Variants in ABTB2 observed in about 807,000 individuals in gnomAD.
ABTB2 encodes ankyrin repeat and BTB/POZ domain-containing protein 2.
ABTB2 carries 56 observed loss-of-function variants against 104.1 expected under a neutral mutation model. The observed-to-expected ratio is 0.54, with a 90% CI of 0.43 to 0.67. The LOEUF is 0.67. ABTB2 is among the 30% of genes least tolerant of loss of function. The pLI, the probability that ABTB2 is intolerant of heterozygous loss-of-function variation, is 0.00. For missense variants in ABTB2, 1,279 were observed against 1,407.7 expected (o/e 0.91, Z 1.46); for synonymous variants, 606 against 608.2 (o/e 1.00, Z 0.05).
intron 10 of ABTB2, 101 bp downstream of exon 10, chr11:34,162,475 C>T (rs1176245741): frequency 3.1e-6 from 4 of 1,294,428 alleles, no homozygotes; most frequent in Non-Finnish European, 4.3e-6. Context: ...TCTGTCCCTG[C>T]AGGCCCTGGC....
chr11:34,194,692 G>A (rs538372565), intron 3 of ABTB2, among the ~76,000 whole-genome samples: 3 of 152,096 alleles, frequency 2.0e-5, no homozygotes, highest in African/African-American at 7.3e-5. Context: ...ACAGGAGCCA[G>A]GCCACCAGGG....
At chr11:34,221,587 G>T (rs1189106056) in intron 1 of ABTB2, among the ~76,000 whole-genome samples, 1 of 152,206 alleles carries the variant, frequency 6.6e-6, no homozygotes. Context: ...AGTGGCTCTA[G>T]CCAAGTCCCC....
At chr11:34,209,381 A>G (rs1853448322) in intron 1 of ABTB2, among the ~76,000 whole-genome samples, 3 of 149,708 alleles carry the variant, frequency 2.0e-5, no homozygotes, top group African/African-American at 4.9e-5. Flanking sequence ...AAGAGAATAG[A>G]TAACGTCCTT....
intron 1 of ABTB2, among the ~76,000 whole-genome samples, chr11:34,330,459 T>TAGAA (rs1363174710): frequency 6.6e-6 from 1 of 152,180 alleles, no homozygotes; most frequent in African/African-American, 2.4e-5. Context: ...GTCTGATATA[T>TAGAA]AGAAAGACAC....
intron 1 of ABTB2, among the ~76,000 whole-genome samples, chr11:34,247,819 A>C (rs1220335061): frequency 6.6e-6 from 1 of 152,224 alleles, no homozygotes; most frequent in Non-Finnish European, 1.5e-5. Flanking sequence ...ATGAGAAAAC[A>C]TTTAAACAAC....
chr11:34,299,527 G>A (rs886353595), intron 1 of ABTB2, among the ~76,000 whole-genome samples: 1 of 152,226 alleles, frequency 6.6e-6, no homozygotes, highest in Non-Finnish European at 1.5e-5. Flanking sequence ...GAGGCTGCAG[G>A]CTGCTGGAGG....
In ABTB2 at chr11:34,173,267, C is replaced by T. The variant is rs565986248; in HGVS notation, c.1285G>A (p.Val429Met). The T allele has an allele frequency of 2.0e-5, 32 of 1,608,792 alleles. No individual in the cohort carries two copies. Among genetic ancestry groups the T allele is most frequent in the African/African-American group, 8.0e-5 (6 of 74,974 alleles). The change falls in exon 4 of 17, where the codon GTG becomes ATG. Residue 429 changes from valine to methionine, a missense_variant. By Grantham distance (21) the Val-to-Met change is conservative. Transcript: ENST00000435224. The part of the protein sequence containing the change: ...LLPPLMEWMR[V>M]AITYAEHRRS... ...CGGTGCTCTGCGTAGGTGATGGCCACGCGCATCCACTCCATGAGGGGCGGC... is the reference window on the plus strand; with the variant it reads ...CGGTGCTCTGCGTAGGTGATGGCCATGCGCATCCACTCCATGAGGGGCGGC...
Position 34,167,278 on chromosome 11 carries a change from C to T in ABTB2, c.1736G>A (p.Gly579Glu). The change falls in exon 7 of 17, where the codon GGA (glycine) becomes GAA (glutamate). Residue 579 changes from glycine to glutamate, a missense_variant. By Grantham distance (98) the Gly-to-Glu change is moderately conservative. Coordinates refer to ENST00000435224, the MANE Select transcript of ABTB2 (RefSeq NM_145804.3). ...WTSLTFAVLH[G>E]HISVVQLLLD... ...GCTCACCTGGACCACAGAGATGTGT[C>T]CATGCAGCACAGCGAATGTCAGTGA... 6.2e-7 allele frequency: 1 copy of T among 1,612,178 alleles called. No homozygotes were observed. The highest frequency in any genetic ancestry group is 8.5e-7 in the Non-Finnish European group (1 of 1,179,164).
intron 1 of ABTB2, among the ~76,000 whole-genome samples, chr11:34,233,388 G>A (rs934727044): frequency 6.7e-6 from 1 of 149,386 alleles, no homozygotes; most frequent in African/African-American, 2.5e-5. Flanking sequence ...GTGCAGTGGT[G>A]TGACCTTGGC....
At chr11:34,286,127 T>C (rs1332695132) in intron 1 of ABTB2, among the ~76,000 whole-genome samples, 2 of 149,828 alleles carry the variant, frequency 1.3e-5, no homozygotes, top group Non-Finnish European at 3.0e-5. Flanking sequence ...CTGGGCAACA[T>C]AGAAAGACCC....
At chr11:34,353,549 A>G (rs1855425843) in intron 1 of ABTB2, among the ~76,000 whole-genome samples, 1 of 152,248 alleles carries the variant, frequency 6.6e-6, no homozygotes, top group Non-Finnish European at 1.5e-5. Flanking sequence ...GGACATCAAT[A>G]CCAAATGAGC....
intron 1 of ABTB2, among the ~76,000 whole-genome samples, chr11:34,311,407 A>G (rs753998941): frequency 8.5e-5 from 13 of 152,230 alleles, no homozygotes; most frequent in Non-Finnish European, 1.8e-4. Context: ...TGTCCTCATC[A>G]TTACCCTCAG....
chr11:34,253,492 A>C (rs1854080107), intron 1 of ABTB2, among the ~76,000 whole-genome samples: 1 of 152,150 alleles, frequency 6.6e-6, no homozygotes, highest in Non-Finnish European at 1.5e-5. Context: ...CCTGGCCAGC[A>C]TAGTGAAACC....
chr11:34,295,999 AT>A (rs1420341143), intron 1 of ABTB2, among the ~76,000 whole-genome samples: 2 of 152,150 alleles, frequency 1.3e-5, no homozygotes, highest in East Asian at 3.8e-4. Flanking sequence ...GGGCATGGTG[AT>A]GTGCACCTGT....
chr11:34,160,915 G>A lies in ABTB2; in HGVS notation c.2385C>T (p.Leu795=). 6.2e-7 allele frequency: 1 copy of A among 1,608,862 alleles called. No homozygotes were observed. Among genetic ancestry groups the A allele is most frequent in the Non-Finnish European group, 8.5e-7 (1 of 1,177,264 alleles). ...TEGLQLMFDI[L]KTSKNDSVIQ... ...TGGCCACACTTACTTTGCTGGTCTT[G>A]AGGATGTCGAACATGAGCTGCAAGC... Residue 795 remains leucine, a synonymous_variant, in exon 11 of 17, where the codon CTC becomes CTT. Transcript: ENST00000435224.
chr11:34,357,591 C>G lies in ABTB2; in HGVS notation c.-8G>C. ...GCTGTACGTCCCGGCCATGGGGAGCCTGCCGAGGGCGGCGTCGCCGAGCGA... is the reference window on the plus strand; with the variant it reads ...GCTGTACGTCCCGGCCATGGGGAGCGTGCCGAGGGCGGCGTCGCCGAGCGA... On this transcript the variant is annotated 5_prime_UTR_variant, in exon 1 of 17. Coordinates refer to ENST00000435224, the MANE Select transcript of ABTB2 (RefSeq NM_145804.3). 1 of 1,499,580 alleles carries G rather than the reference C, an allele frequency of 6.7e-7. No homozygotes were observed. The highest frequency in any genetic ancestry group is 1.4e-5 in the African/African-American group (1 of 71,978). 92.9% of individuals were successfully genotyped at this position (1,499,580 alleles called of 1,614,324 possible).
At chr11:34,354,187 C>T (rs992916468) in intron 1 of ABTB2, among the ~76,000 whole-genome samples, 2 of 152,042 alleles carry the variant, frequency 1.3e-5, no homozygotes, top group Non-Finnish European at 1.5e-5. Context: ...CCTGGAGACC[C>T]GAGAAGGTAC....
In ABTB2 at chr11:34,159,305, G is replaced by A; in HGVS notation, c.2688C>T (p.His896=). The stretch of plus-strand genomic sequence containing the variant: ...ACCAAGACCCACACACCTGAAAAAT[G>A]TGGTACTTCATGTCGCTGATCTCGA... ...KTIEISDMKY[H]IFQMMMQYLY... Residue 896 remains histidine (H), a synonymous_variant, in exon 14 of 17, where the codon CAC becomes CAT. Transcript: ENST00000435224. 1 of 1,613,546 alleles carries A rather than the reference G, an allele frequency of 6.2e-7. No individual in the cohort carries two copies. Among genetic ancestry groups the A allele is most frequent in the Non-Finnish European group, 8.5e-7 (1 of 1,179,522 alleles).
chr11:34,353,772 G>A (rs1192416037), intron 1 of ABTB2, among the ~76,000 whole-genome samples: 7 of 152,216 alleles, frequency 4.6e-5, no homozygotes, highest in Non-Finnish European at 1.0e-4. Flanking sequence ...ATGTGCCCAT[G>A]CTGTATAATT....
Sources: gnomAD v4.1 joint callset for allele counts (sites outside exome capture counted in the v4.1 genomes callset) on GRCh38, gnomAD v4.1.1 for gene constraint, MANE v1.5 for transcripts, NCBI Gene and HGNC (gene_info 2026-07-23, HGNC 2026-07-21) for gene names.